The following DCHS2 variants were observed in gnomAD, a reference collection of about 807,000 sequenced individuals.
DCHS2 encodes the protein protocadherin-23.
In DCHS2, 142 loss-of-function variants were observed where a neutral mutation model predicts 182.4. The observed-to-expected ratio is 0.78, with a 90% CI of 0.68 to 0.89. The LOEUF is 0.89. Ranked by LOEUF, DCHS2 falls within the 40% of genes least tolerant of loss-of-function variation. The probability of loss-of-function intolerance (pLI) is 0.00; values close to 1 mark genes in which losing one functional copy is unlikely to be tolerated. For missense variants in DCHS2, 4,319 were observed against 4,198.6 expected, an observed-to-expected ratio of 1.03 and a Z score of -0.79; for synonymous variants, 1,740 against 1,663.3, an observed-to-expected ratio of 1.05 and a Z score of -1.12.
At chr4:154,299,100 CAG>C (rs947516986) in intron 12 of DCHS2, among the ~76,000 whole-genome samples, 1 of 152,096 alleles carries the variant, frequency 6.6e-6, no homozygotes, top group Admixed American at 6.5e-5. Context: ...ATAAAAAAAA[CAG>C]AATATAATGT....
At chr4:154,308,939 A>C (rs1415993927) in intron 10 of DCHS2, among the ~76,000 whole-genome samples, 2 of 152,188 alleles carry the variant, frequency 1.3e-5, no homozygotes, top group Non-Finnish European at 2.9e-5. Context: ...AATAGGAGTT[A>C]ATGGGTAAGA....
chr4:154,418,405 C>G (rs1001440432), intron 1 of DCHS2, among the ~76,000 whole-genome samples: 1 of 152,222 alleles, frequency 6.6e-6, no homozygotes, highest in African/African-American at 2.4e-5. Flanking sequence ...GTGTCGCCAG[C>G]TGAGAGTGCC....
intron 3 of DCHS2, among the ~76,000 whole-genome samples, chr4:154,360,986 A>T (rs558540040): frequency 1.3e-5 from 2 of 152,320 alleles, no homozygotes; most frequent in East Asian, 3.9e-4. Flanking sequence ...AAACACCTAG[A>T]ACACGGCCTG....
chr4:154,329,216 A>G (rs998905861), intron 6 of DCHS2, among the ~76,000 whole-genome samples: 3 of 152,186 alleles, frequency 2.0e-5, no homozygotes, highest in Non-Finnish European at 4.4e-5. Flanking sequence ...GATGCACGTA[A>G]ACTACTGGAA....
intron 1 of DCHS2, among the ~76,000 whole-genome samples, chr4:154,396,074 G>A (rs1222327185): frequency 6.6e-6 from 1 of 152,182 alleles, no homozygotes; most frequent in Admixed American, 6.5e-5. Context: ...AAGAAATTGA[G>A]CATGATCAGC....
At chr4:154,379,017 A>G (rs1561078522) in intron 1 of DCHS2, among the ~76,000 whole-genome samples, 1 of 152,192 alleles carries the variant, frequency 6.6e-6, no homozygotes, top group African/African-American at 2.4e-5. Context: ...TGAACCTTCT[A>G]TTCCATGTGA....
intron 1 of DCHS2, among the ~76,000 whole-genome samples, chr4:154,439,508 A>G (rs1054204737): frequency 2.6e-5 from 4 of 152,192 alleles, no homozygotes; most frequent in African/African-American, 9.6e-5. Context: ...GGCTATATCA[A>G]TATTTTCTCC....
At position 154,247,401 on chromosome 4, in the gene DCHS2, C is replaced by G. The variant is rs555050703; in HGVS notation, c.6942-4629G>C. On this transcript the variant is annotated intron_variant, in intron 16 of 19. Transcript: ENST00000357232. ...GCTGAGGTAGGAAAGTCACTTGAAC[C>G]AGGAGGCAGAGGTTGCACTGAGCTA... Among the ~76,000 whole-genome samples the G allele has an allele frequency of 1.1e-3, 164 of 151,058 alleles. 1 individual carries two copies. The highest frequency in any genetic ancestry group is 3.8e-3 in the African/African-American group (155 of 41,034).
intron 10 of DCHS2, among the ~76,000 whole-genome samples, chr4:154,311,163 T>G (rs528332833): frequency 1.3e-5 from 2 of 152,198 alleles, no homozygotes; most frequent in Non-Finnish European, 2.9e-5. Context: ...TATCCTCCTC[T>G]TCCTCAAACT....
intron 1 of DCHS2, among the ~76,000 whole-genome samples, chr4:154,463,203 G>A (rs895098217): frequency 2.7e-5 from 4 of 150,378 alleles, no homozygotes; most frequent in Non-Finnish European, 4.4e-5. Context: ...GAATTTGGAG[G>A]GTTTTGTTTT....
chr4:154,427,007 A>G (rs1579072679), intron 1 of DCHS2, among the ~76,000 whole-genome samples: 1 of 152,142 alleles, frequency 6.6e-6, no homozygotes, highest in Non-Finnish European at 1.5e-5. Flanking sequence ...AGAGGTAGAG[A>G]TTTCTCAGAG....
At chr4:154,384,688 G>T (rs1464489079) in intron 1 of DCHS2, among the ~76,000 whole-genome samples, 2 of 152,112 alleles carry the variant, frequency 1.3e-5, no homozygotes, top group African/African-American at 2.4e-5. Context: ...ACAGAGGAAG[G>T]TCTGCCCAAC....
rs1258951207 is a variant in DCHS2, at chr4:154,333,253, C to T, written c.2955G>A (p.Glu985=). Residue 985 remains glutamate (E), a synonymous_variant, in exon 5 of 20, where the codon GAG becomes GAA. Coordinates refer to ENST00000357232, the MANE Select transcript of DCHS2 (RefSeq NM_001358235.2). The stretch of plus-strand genomic sequence containing the variant: ...GGGGCGTGGTCTGGGATATTCTAAT[C>T]TCATCCGAGGTCCTGAGGAACGCTG... ...NHPAFLRTSD[E]IRISQTTPPG... is the part of the protein sequence containing the mutation. The T allele has an allele frequency of 1.9e-6, 3 of 1,614,224 alleles. No individual in the cohort carries two copies. The highest frequency in any genetic ancestry group is 2.5e-6 in the Non-Finnish European group (3 of 1,180,044).
intron 13 of DCHS2, among the ~76,000 whole-genome samples, chr4:154,284,976 C>G (rs1364895362): frequency 6.6e-6 from 1 of 152,112 alleles, no homozygotes; most frequent in African/African-American, 2.4e-5. Context: ...CTCTTTCCTT[C>G]CACTTGAGCA....
chr4:154,487,170 G>T (rs554162681), intron 1 of DCHS2, among the ~76,000 whole-genome samples: 1 of 152,350 alleles, frequency 6.6e-6, no homozygotes, highest in Admixed American at 6.5e-5. Context: ...GTTCCAGGTG[G>T]AAGGAATATT....
At chr4:154,315,624 T>C in intron 10 of DCHS2, 124 bp downstream of exon 10, 1 of 1,397,706 alleles carries the variant, frequency 7.2e-7, no homozygotes, top group Non-Finnish European at 9.5e-7. Context: ...AAAGAAGTAT[T>C]ACAAATTTGA....
At chr4:154,285,684 T>C (rs1201356797) in intron 13 of DCHS2, among the ~76,000 whole-genome samples, 3 of 152,084 alleles carry the variant, frequency 2.0e-5, no homozygotes, top group African/African-American at 7.2e-5. Context: ...GGAAGGACTT[T>C]TGTCTTGTGG....
intron 1 of DCHS2, among the ~76,000 whole-genome samples, chr4:154,479,681 TA>T (rs1418453998): frequency 6.6e-6 from 1 of 152,196 alleles, no homozygotes; most frequent in African/African-American, 2.4e-5. Flanking sequence ...AGACTCAAGG[TA>T]AACTTATTAA....
In DCHS2 at chr4:154,366,234, G is replaced by A. The variant is rs1298888250; in HGVS notation, c.2452C>T (p.Leu818Phe). The A allele has an allele frequency of 6.2e-7, 1 of 1,613,586 alleles. No homozygotes were observed. Among genetic ancestry groups the A allele is most frequent in the Non-Finnish European group, 8.5e-7 (1 of 1,179,824 alleles). Reference protein sequence around the residue: ...YELIPGNVSSLFTIDSTTGII... With the variant: ...YELIPGNVSSFFTIDSTTGII... Reference sequence around the variant, plus strand: ...CCTGTGGTGGAGTCAATGGTAAAAAGGGACGACACGTTTCCTGGAATAAGC... The same window carrying A: ...CCTGTGGTGGAGTCAATGGTAAAAAAGGACGACACGTTTCCTGGAATAAGC... Residue 818 changes from leucine to phenylalanine, a missense_variant, in exon 3 of 20, where the codon CTT becomes TTT. Leu to Phe is a conservative substitution (Grantham distance 22). Transcript: ENST00000357232.
Sources: gnomAD v4.1 joint callset for allele counts (sites outside exome capture counted in the v4.1 genomes callset) on GRCh38, gnomAD v4.1.1 for gene constraint, MANE v1.5 for transcripts, NCBI Gene and HGNC (gene_info 2026-07-23, HGNC 2026-07-21) for gene names.